The following SDK1 variants were observed in gnomAD, a reference collection of about 807,000 sequenced individuals.
SDK1 encodes protein sidekick-1.
In SDK1, 157 loss-of-function variants were observed where a neutral mutation model predicts 245.5. The observed-to-expected ratio is 0.64, with a 90% CI of 0.56 to 0.73. SDK1 has a LOEUF of 0.73. Ranked by LOEUF, SDK1 falls within the 30% of genes least tolerant of loss-of-function variation. The pLI is 0.00. For synonymous variants in SDK1, 1,647 were observed against 1,278.5 expected (o/e 1.29, Z -6.15); for missense variants, 3,583 against 3,002.3 (o/e 1.19, Z -4.52).
intron 1 of SDK1, among the ~76,000 whole-genome samples, chr7:3,340,178 A>G (rs1320811849): frequency 6.6e-6 from 1 of 151,960 alleles, no homozygotes; most frequent in Non-Finnish European, 1.5e-5. Flanking sequence ...GACAAAATAG[A>G]CAATCAGAAT....
rs1548209 is a variant in SDK1 at position 3,486,935 on chromosome 7, T to G, written c.299-132145T>G. ...TAAATATTAAAACTATTATTACATG[T>G]GTAAAGGTTATATTTGCTTTGCTAA... is the stretch of plus-strand genomic sequence containing the variant. On this transcript the variant is annotated intron_variant, in intron 1 of 44. Transcript: ENST00000404826. 3.9e-5 allele frequency among the ~76,000 whole-genome samples: 6 copies of G among 152,110 alleles called. 1 individual carries two copies. Among genetic ancestry groups the G allele is most frequent in the South Asian group, 4.1e-4 (2 of 4,828 alleles).
intron 28 of SDK1, chr7:4,134,728 C>T (rs1254827442): frequency 6.6e-6 from 1 of 152,414 alleles, no homozygotes; most frequent in East Asian, 1.9e-4. Flanking sequence ...ATGGTCACCT[C>T]CGTCCACTCA....
chr7:3,655,049 C>CATT (rs1554303404), intron 4 of SDK1, among the ~76,000 whole-genome samples: 1 of 144,308 alleles, frequency 6.9e-6, no homozygotes, highest in Non-Finnish European at 1.5e-5. Flanking sequence ...TCATAGCTTG[C>CATT]TTTTTTTTTT....
chr7:3,986,148 C>T (rs2128138819), intron 13 of SDK1, among the ~76,000 whole-genome samples: 1 of 152,154 alleles, frequency 6.6e-6, no homozygotes, highest in East Asian at 1.9e-4. Flanking sequence ...TTGGTAGAAA[C>T]CATGTAGTAG....
intron 1 of SDK1, among the ~76,000 whole-genome samples, chr7:3,554,446 C>G (rs923877434): frequency 2.6e-5 from 4 of 152,130 alleles, no homozygotes; most frequent in African/African-American, 9.7e-5. Context: ...TAAAGCAGTT[C>G]TGAGAGTGAA....
chr7:4,170,829 G>C (rs1001000863), intron 32 of SDK1, among the ~76,000 whole-genome samples: 6 of 152,134 alleles, frequency 3.9e-5, no homozygotes, highest in African/African-American at 1.2e-4. Flanking sequence ...GGCCCGGCAT[G>C]GGGGAGCTGG....
At chr7:3,340,147 AACTT>A (rs745944254) in intron 1 of SDK1, among the ~76,000 whole-genome samples, 9 of 151,998 alleles carry the variant, frequency 5.9e-5, no homozygotes, top group African/African-American at 9.7e-5. Flanking sequence ...CAAAAACTAA[AACTT>A]AATAAAACTC....
intron 40 of SDK1, 176 bp from the exon 41 acceptor site, chr7:4,233,079 G>A (rs917473223): frequency 3.6e-5 from 21 of 581,582 alleles, no homozygotes; most frequent in East Asian, 5.6e-5. Flanking sequence ...TCTCCAGAAC[G>A]CTCTTCGACT....
chr7:3,825,720 G>A (rs1417958525), intron 5 of SDK1, among the ~76,000 whole-genome samples: 1 of 152,170 alleles, frequency 6.6e-6, no homozygotes, highest in African/African-American at 2.4e-5. Context: ...TCCTGAGAAT[G>A]TCCATGAACA....
intron 13 of SDK1, among the ~76,000 whole-genome samples, chr7:3,983,706 A>G (rs1455040728): frequency 4.6e-5 from 7 of 152,228 alleles, no homozygotes; most frequent in African/African-American, 1.4e-4. Flanking sequence ...ATTATGAAAC[A>G]GGTGATATTG....
intron 5 of SDK1, among the ~76,000 whole-genome samples, chr7:3,867,701 A>C (rs1410691897): frequency 6.6e-6 from 1 of 152,188 alleles, no homozygotes; most frequent in African/African-American, 2.4e-5. Flanking sequence ...ATGGGAATTC[A>C]AGATGAGATT....
intron 33 of SDK1, among the ~76,000 whole-genome samples, chr7:4,175,338 G>A (rs549623535): frequency 2.2e-4 from 34 of 152,326 alleles, no homozygotes; most frequent in African/African-American, 6.3e-4. Context: ...GAAGGGCCCC[G>A]GGATGCGGCT....
At chr7:3,396,915 A>C (rs1250640554) in intron 1 of SDK1, among the ~76,000 whole-genome samples, 1 of 151,622 alleles carries the variant, frequency 6.6e-6, no homozygotes, top group Non-Finnish European at 1.5e-5. Flanking sequence ...TATAAATGTT[A>C]TATATTTTTT....
intron 10 of SDK1, among the ~76,000 whole-genome samples, chr7:3,968,595 G>T (rs1211707702): frequency 6.6e-6 from 1 of 152,078 alleles, no homozygotes; most frequent in African/African-American, 2.4e-5. Context: ...ATATAAAAAT[G>T]TTTCAAATAC....
chr7:3,688,988 A>G (rs1784366871), intron 4 of SDK1, among the ~76,000 whole-genome samples: 1 of 152,194 alleles, frequency 6.6e-6, no homozygotes, highest in South Asian at 2.1e-4. Context: ...CAATCCATCC[A>G]TGTTCCCACC....
intron 1 of SDK1, among the ~76,000 whole-genome samples, chr7:3,547,639 C>G (rs1779270433): frequency 6.6e-6 from 1 of 152,190 alleles, no homozygotes; most frequent in Non-Finnish European, 1.5e-5. Context: ...CCATGCTTGT[C>G]CATGATACTA....
At chr7:4,218,084 C>A (rs1784931653) in intron 38 of SDK1, among the ~76,000 whole-genome samples, 1 of 152,130 alleles carries the variant, frequency 6.6e-6, no homozygotes, top group Admixed American at 6.5e-5. Context: ...ACAGGAAAAC[C>A]CAGTTTTGGA....
chr7:3,626,215 C>G (rs749538866), intron 2 of SDK1, among the ~76,000 whole-genome samples: 4 of 152,036 alleles, frequency 2.6e-5, no homozygotes, highest in Non-Finnish European at 5.9e-5. Context: ...GCTGAGGTTA[C>G]AGGTGTGAGC....
chr7:3,443,608 A>T (rs1780259425), intron 1 of SDK1, among the ~76,000 whole-genome samples: 1 of 152,188 alleles, frequency 6.6e-6, no homozygotes, highest in Admixed American at 6.5e-5. Flanking sequence ...AATGTTTCTC[A>T]TACAGCCGGC....
Sources: gnomAD v4.1 joint callset for allele counts (sites outside exome capture counted in the v4.1 genomes callset) on GRCh38, gnomAD v4.1.1 for gene constraint, MANE v1.5 for transcripts, NCBI Gene and HGNC (gene_info 2026-07-23, HGNC 2026-07-21) for gene names.